Variants in R3HCC1L observed in about 807,000 individuals in gnomAD.
The protein encoded by R3HCC1L is coiled-coil domain-containing protein R3HCC1L.
In R3HCC1L, 51 loss-of-function variants were observed where a neutral mutation model predicts 59.9. That is an observed-to-expected ratio of 0.85 (90% CI 0.68 to 1.07). The LOEUF (loss-of-function observed/expected upper bound fraction) is 1.07, where lower values mean the gene tolerates loss of function less well. Ranked by LOEUF, R3HCC1L falls within the 50% of genes least tolerant of loss-of-function variation. The probability of loss-of-function intolerance (pLI) is 0.00; values close to 1 mark genes in which losing one functional copy is unlikely to be tolerated. For missense variants in R3HCC1L, 965 were observed against 933.0 expected, an observed-to-expected ratio of 1.03 and a Z score of -0.45; for synonymous variants, 322 against 315.2, an observed-to-expected ratio of 1.02 and a Z score of -0.23.
At chr10:98,182,673 T>C (rs899038583) in intron 4 of R3HCC1L, among the ~76,000 whole-genome samples, 3 of 152,186 alleles carry the variant, frequency 2.0e-5, no homozygotes, top group East Asian at 1.9e-4. Context: ...GCAGGCCTCA[T>C]TGAGCTGCGG....
chr10:98,216,215 A>G (rs1854183791), intron 5 of R3HCC1L, among the ~76,000 whole-genome samples: 1 of 152,124 alleles, frequency 6.6e-6, no homozygotes, highest in South Asian at 2.1e-4. Flanking sequence ...AGAATCATTT[A>G]AAAAATATAT....
intron 9 of R3HCC1L, among the ~76,000 whole-genome samples, chr10:98,239,927 C>T (rs767958595): frequency 2.0e-5 from 3 of 152,120 alleles, no homozygotes; most frequent in Non-Finnish European, 2.9e-5. Context: ...AACTCTTGGA[C>T]TCAAGTGATC....
In R3HCC1L at chr10:98,209,617, A is replaced by C. The variant is rs550982536; in HGVS notation, c.1503A>C (p.Ser501=). Reference sequence around the variant, plus strand: ...TGTTAAATGGGACAAAAGTTCTTTCAGACAGTGCCGTGGGCATTGACCTGG... The same window carrying C: ...TGTTAAATGGGACAAAAGTTCTTTCCGACAGTGCCGTGGGCATTGACCTGG... The part of the protein sequence containing the change: ...LSMLNGTKVL[S]DSAVGIDLGS... Residue 501 remains serine (S), a synonymous_variant, in exon 5 of 10, where the codon TCA becomes TCC. Coordinates refer to ENST00000298999, the MANE Select transcript of R3HCC1L (RefSeq NM_001351015.2). The C allele has an allele frequency of 2.5e-5, 41 of 1,613,970 alleles. No individual in the cohort carries two copies. In the African/African-American group the frequency reaches 4.8e-4, roughly 19 times the overall value.
At chr10:98,192,672 C>G (rs1850992898) in intron 4 of R3HCC1L, among the ~76,000 whole-genome samples, 1 of 151,900 alleles carries the variant, frequency 6.6e-6, no homozygotes, top group African/African-American at 2.4e-5. Context: ...AAAGAAAAGC[C>G]CAGGACCACA....
intron 5 of R3HCC1L, among the ~76,000 whole-genome samples, chr10:98,223,549 G>C (rs533527322): frequency 6.6e-6 from 1 of 151,812 alleles, no homozygotes; most frequent in East Asian, 1.9e-4. Flanking sequence ...TTTTCCTATA[G>C]ATATATCTAT....
intron 5 of R3HCC1L, among the ~76,000 whole-genome samples, chr10:98,217,851 G>T (rs1854395304): frequency 1.3e-5 from 2 of 151,690 alleles, no homozygotes; most frequent in Non-Finnish European, 2.9e-5. Context: ...GAAATGCTGA[G>T]TTATATTGGC....
At chr10:98,149,307 A>C (rs1160054904) in intron 1 of R3HCC1L, among the ~76,000 whole-genome samples, 1 of 152,136 alleles carries the variant, frequency 6.6e-6, no homozygotes, top group Non-Finnish European at 1.5e-5. Context: ...CTTTTCAAAA[A>C]ACCAACTTTT....
At chr10:98,238,792 A>G (rs1350141485) in intron 9 of R3HCC1L, among the ~76,000 whole-genome samples, 1 of 152,244 alleles carries the variant, frequency 6.6e-6, no homozygotes, top group Non-Finnish European at 1.5e-5. Context: ...GGAACAAAAT[A>G]TGACAAGCTT....
intron 5 of R3HCC1L, among the ~76,000 whole-genome samples, chr10:98,228,765 G>T (rs1057011997): frequency 1.3e-5 from 2 of 152,166 alleles, no homozygotes; most frequent in African/African-American, 4.8e-5. Context: ...TTTGTATAAG[G>T]TGTAAGGAAG....
chr10:98,195,592 CACA>C (rs1851342706), intron 4 of R3HCC1L, among the ~76,000 whole-genome samples: 5 of 130,512 alleles, frequency 3.8e-5, no homozygotes, highest in South Asian at 2.5e-4. Context: ...TTAAAATACA[CACA>C]AAAAAAAACT....
At chr10:98,159,473 T>G (rs915289558) in intron 2 of R3HCC1L, among the ~76,000 whole-genome samples, 4 of 152,220 alleles carry the variant, frequency 2.6e-5, no homozygotes, top group African/African-American at 9.6e-5. Flanking sequence ...ACGTAGATAC[T>G]TGGTAAATAT....
chr10:98,228,920 T>A (rs1226932654), intron 5 of R3HCC1L, among the ~76,000 whole-genome samples: 1 of 152,226 alleles, frequency 6.6e-6, no homozygotes, highest in Admixed American at 6.5e-5. Flanking sequence ...TTCTGAGGCC[T>A]CTGTTCTGTT....
rs116414740 is a variant in R3HCC1L at position 98,243,978 on chromosome 10, G to T, written c.2270-113G>T. 1,148 of 834,106 alleles carry T rather than the reference G, an allele frequency of 1.4e-3. 11 individuals carry two copies. In the African/African-American group the frequency reaches 0.016, roughly 12 times the overall value. 51.7% of individuals were successfully genotyped at this position (834,106 alleles called of 1,614,324 possible). A position where few individuals can be genotyped will look rare whatever the true frequency, so the allele number is the denominator to read the frequency against. On this transcript the variant is annotated intron_variant, in intron 9 of 9. Transcript: ENST00000298999. ...TTAACTCTTGTTATCAGGTAAGAGA[G>T]ACCAGGATATCCACTTGTCTCATGA...
At chr10:98,209,946 G>A (rs758807728) in intron 5 of R3HCC1L, 47 bp downstream of exon 5, 3 of 1,443,098 alleles carry the variant, frequency 2.1e-6, no homozygotes, top group Admixed American at 3.9e-5. Flanking sequence ...TTATAAATTA[G>A]GATTTCAGTG....
In R3HCC1L at chr10:98,236,077, A is replaced by C. The variant is rs765897463; in HGVS notation, c.2182A>C (p.Arg728=). 5.6e-6 allele frequency: 9 copies of C among 1,614,010 alleles called. No individual in the cohort carries two copies. The Admixed American group carries it at 6.7e-5, about 12-fold the overall frequency. ...RPETSAALAR[R]LVISALGVRS... Reference sequence around the variant, plus strand: ...TGAGACTTCAGCAGCCCTAGCCAGAAGGTTAGTCATCAGTGCCCTTGGGGT... The same window carrying C: ...TGAGACTTCAGCAGCCCTAGCCAGACGGTTAGTCATCAGTGCCCTTGGGGT... The change falls in exon 9 of 10, where the codon AGG becomes CGG. Residue 728 remains arginine (R), a synonymous_variant. Transcript: ENST00000298999.
intron 9 of R3HCC1L, among the ~76,000 whole-genome samples, chr10:98,238,749 A>G (rs1014621535): frequency 6.6e-6 from 1 of 152,208 alleles, no homozygotes; most frequent in South Asian, 2.1e-4. Context: ...CCCAGAAAAA[A>G]AAACTTACAT....
At chr10:98,234,327 C>T in intron 6 of R3HCC1L, 119 bp from the exon 7 acceptor site, 1 of 859,634 alleles carries the variant, frequency 1.2e-6, no homozygotes. Context: ...ATCCCCATTC[C>T]ACCTGTGCAC....
At chr10:98,197,591 C>T (rs1450200276) in intron 4 of R3HCC1L, among the ~76,000 whole-genome samples, 4 of 152,032 alleles carry the variant, frequency 2.6e-5, no homozygotes, top group Non-Finnish European at 5.9e-5. Context: ...GGACTTGGCA[C>T]ACAGTAGTTA....
intron 5 of R3HCC1L, among the ~76,000 whole-genome samples, chr10:98,224,122 C>T (rs1564723226): frequency 6.6e-6 from 1 of 152,078 alleles, no homozygotes; most frequent in African/African-American, 2.4e-5. Flanking sequence ...ATTGTTGTAG[C>T]AGCGGAAAGC....
Sources: allele counts gnomAD v4.1 joint callset (sites outside exome capture counted in the v4.1 genomes callset), GRCh38; gene constraint gnomAD v4.1.1; transcripts MANE v1.5; gene names NCBI Gene and HGNC (gene_info 2026-07-23, HGNC 2026-07-21).